The following ARB2A variants were observed in gnomAD, a reference collection of about 807,000 sequenced individuals.
The protein encoded by ARB2A is cotranscriptional regulator ARB2A.
At chr5:93,905,832 A>C in the ARB2A span, among the ~76,000 whole-genome samples, 1 of 151,604 alleles carries the variant, frequency 6.6e-6, no homozygotes, top group Non-Finnish European at 1.5e-5. Flanking sequence ...CTTCTGATAA[A>C]TGCAAGTAAC....
At chr5:93,919,712 T>C in the ARB2A span, among the ~76,000 whole-genome samples, 3 of 152,210 alleles carry the variant, frequency 2.0e-5, no homozygotes, top group Admixed American at 6.5e-5. Flanking sequence ...CTCAAACTGC[T>C]GGAATATAAA....
At chr5:93,622,352 C>T in the ARB2A span, among the ~76,000 whole-genome samples, 1 of 152,194 alleles carries the variant, frequency 6.6e-6, no homozygotes, top group Non-Finnish European at 1.5e-5. Flanking sequence ...ATTCTTTAGT[C>T]TGTAATAGTA....
the ARB2A span, among the ~76,000 whole-genome samples, chr5:93,966,422 A>G: frequency 3.3e-4 from 50 of 152,234 alleles, no homozygotes; most frequent in South Asian, 8.3e-4. Context: ...TTAATCCTCA[A>G]GGTTTATACT....
At chr5:93,958,213 G>T in the ARB2A span, among the ~76,000 whole-genome samples, 1 of 151,968 alleles carries the variant, frequency 6.6e-6, no homozygotes, top group South Asian at 2.1e-4. Flanking sequence ...ATTACATTTT[G>T]CCATTCTGTA....
chr5:93,699,227 A>G, the ARB2A span, among the ~76,000 whole-genome samples: 1 of 152,144 alleles, frequency 6.6e-6, no homozygotes, highest in South Asian at 2.1e-4. Flanking sequence ...TTTAACCACT[A>G]TCTTAAACAT....
the ARB2A span, among the ~76,000 whole-genome samples, chr5:93,621,911 T>A: frequency 6.6e-6 from 1 of 152,152 alleles, no homozygotes; most frequent in Non-Finnish European, 1.5e-5. Flanking sequence ...GGCCTCCCAT[T>A]TTATCAGGAG....
At chr5:93,631,352 G>GT in the ARB2A span, among the ~76,000 whole-genome samples, 1 of 152,142 alleles carries the variant, frequency 6.6e-6, no homozygotes, top group Admixed American at 6.5e-5. Flanking sequence ...GAAATGTTTT[G>GT]TTTGGTTTTA....
At chr5:94,093,679 T>TATCA in the ARB2A span, among the ~76,000 whole-genome samples, 4 of 152,176 alleles carry the variant, frequency 2.6e-5, no homozygotes, top group African/African-American at 9.7e-5. Context: ...CAAAATGCAT[T>TATCA]CATTACATCC....
At chr5:93,896,519 A>C in the ARB2A span, among the ~76,000 whole-genome samples, 2 of 152,238 alleles carry the variant, frequency 1.3e-5, no homozygotes, top group Admixed American at 1.3e-4. Flanking sequence ...CATTATGTAT[A>C]TGCAAATACT....
At chr5:94,059,290 G>C in the ARB2A span, among the ~76,000 whole-genome samples, 14 of 151,706 alleles carry the variant, frequency 9.2e-5, no homozygotes, top group African/African-American at 3.4e-4. Context: ...ATGATACAAA[G>C]GTATATCATA....
the ARB2A span, among the ~76,000 whole-genome samples, chr5:94,078,400 C>G: frequency 1.3e-5 from 2 of 152,000 alleles, no homozygotes; most frequent in African/African-American, 4.8e-5. Context: ...ACCAAAAGAC[C>G]CACCCAAATT....
chr5:93,999,749 T>C, the ARB2A span, among the ~76,000 whole-genome samples: 1 of 152,014 alleles, frequency 6.6e-6, no homozygotes, highest in Non-Finnish European at 1.5e-5. Context: ...TGGACAAATA[T>C]ATAATGACAT....
chr5:93,870,730 G>A, the ARB2A span, among the ~76,000 whole-genome samples: 5 of 152,194 alleles, frequency 3.3e-5, no homozygotes, highest in African/African-American at 9.6e-5. Flanking sequence ...GCCACATAAG[G>A]GGGGGTGGAA....
chr5:93,719,806 T>C, the ARB2A span, among the ~76,000 whole-genome samples: 1 of 152,240 alleles, frequency 6.6e-6, no homozygotes, highest in Non-Finnish European at 1.5e-5. Context: ...TCATGTTTCC[T>C]ATCTGTTTGG....
chr5:94,038,083 A>G, the ARB2A span, among the ~76,000 whole-genome samples: 1 of 152,096 alleles, frequency 6.6e-6, no homozygotes, highest in African/African-American at 2.4e-5. Context: ...CAAGATATAT[A>G]TCAAAGAAAA....
chr5:93,704,151 A>G, the ARB2A span, among the ~76,000 whole-genome samples: 2 of 152,230 alleles, frequency 1.3e-5, no homozygotes, highest in Non-Finnish European at 2.9e-5. Flanking sequence ...AATATTAAAG[A>G]TAATGATAGG....
the ARB2A span, among the ~76,000 whole-genome samples, chr5:93,684,502 CA>C: frequency 6.6e-6 from 1 of 152,212 alleles, no homozygotes; most frequent in Admixed American, 6.5e-5. Flanking sequence ...AACATATGCT[CA>C]ATAAAAATTT....
the ARB2A span, among the ~76,000 whole-genome samples, chr5:93,870,023 G>T: frequency 6.6e-6 from 1 of 152,188 alleles, no homozygotes; most frequent in South Asian, 2.1e-4. Context: ...CAGACATCTG[G>T]GCTCTTTCAG....
the ARB2A span, among the ~76,000 whole-genome samples, chr5:93,832,501 T>A: frequency 1.3e-5 from 2 of 152,212 alleles, no homozygotes; most frequent in African/African-American, 2.4e-5. Context: ...GAGTGAATGC[T>A]ATGATGTGCT....
Sources: gnomAD v4.1 joint callset for allele counts (sites outside exome capture counted in the v4.1 genomes callset) on GRCh38, gnomAD v4.1.1 for gene constraint, MANE v1.5 for transcripts, NCBI Gene and HGNC (gene_info 2026-07-23, HGNC 2026-07-21) for gene names.